The following CADM2 variants were observed in gnomAD, a reference collection of about 807,000 sequenced individuals.
The protein encoded by CADM2 is immunoglobulin superfamily member 4D.
A neutral mutation model predicts 49.8 loss-of-function variants in CADM2; 12 were observed. That is an observed-to-expected ratio of 0.24 (90% CI 0.15 to 0.39). The LOEUF (loss-of-function observed/expected upper bound fraction) is 0.39, where lower values mean the gene tolerates loss of function less well. Ranked by LOEUF, CADM2 falls within the 10% of genes least tolerant of loss-of-function variation. The pLI, the probability that CADM2 is intolerant of heterozygous loss-of-function variation, is 1.00. For missense variants in CADM2, 378 were observed against 492.3 expected (o/e 0.77, Z 2.20); for synonymous variants, 214 against 175.4 (o/e 1.22, Z -1.74).
At chr3:85,257,046 G>A (rs2042902135) in intron 1 of CADM2, among the ~76,000 whole-genome samples, 1 of 152,090 alleles carries the variant, frequency 6.6e-6, no homozygotes, top group African/African-American at 2.4e-5. Flanking sequence ...GGTGACAGCT[G>A]TAATTACTTA....
At chr3:85,440,544 G>C (rs965371182) in intron 1 of CADM2, among the ~76,000 whole-genome samples, 1 of 152,064 alleles carries the variant, frequency 6.6e-6, no homozygotes, top group Non-Finnish European at 1.5e-5. Flanking sequence ...GAAACATTGC[G>C]ACCTTAGGTC....
intron 1 of CADM2, among the ~76,000 whole-genome samples, chr3:85,625,815 T>TAATTAAA (rs2064111874): frequency 6.6e-6 from 1 of 151,968 alleles, no homozygotes; most frequent in South Asian, 2.1e-4. Flanking sequence ...TGCTTTTCTC[T>TAATTAAA]AATTAAAAAT....
At chr3:85,572,220 C>G (rs1224360497) in intron 1 of CADM2, among the ~76,000 whole-genome samples, 1 of 152,064 alleles carries the variant, frequency 6.6e-6, no homozygotes, top group African/African-American at 2.4e-5. Context: ...CCACTTGAAC[C>G]CAGGAGGCGG....
At chr3:85,114,220 G>T (rs2038561739) in intron 1 of CADM2, among the ~76,000 whole-genome samples, 1 of 151,994 alleles carries the variant, frequency 6.6e-6, no homozygotes, top group Non-Finnish European at 1.5e-5. Context: ...GGGGACTGGG[G>T]AGAGGGGAAG....
intron 1 of CADM2, among the ~76,000 whole-genome samples, chr3:85,193,950 A>C (rs112643818): frequency 2.0e-5 from 3 of 152,066 alleles, no homozygotes; most frequent in Non-Finnish European, 4.4e-5. Flanking sequence ...ATTTGTGGGG[A>C]GACTGATGAT....
At chr3:85,818,441 C>T (rs1252176503) in intron 3 of CADM2, among the ~76,000 whole-genome samples, 1 of 152,192 alleles carries the variant, frequency 6.6e-6, no homozygotes, top group Non-Finnish European at 1.5e-5. Context: ...GCTACTTATA[C>T]TGGCAGCTAC....
intron 8 of CADM2, among the ~76,000 whole-genome samples, chr3:86,046,208 T>C (rs1427731265): frequency 6.6e-6 from 1 of 152,178 alleles, no homozygotes; most frequent in Non-Finnish European, 1.5e-5. Context: ...TATTTTTTCA[T>C]TTAGCTTCTT....
intron 1 of CADM2, among the ~76,000 whole-genome samples, chr3:85,032,060 CTCTT>C (rs1234791608): frequency 1.3e-5 from 2 of 151,904 alleles, no homozygotes; most frequent in Non-Finnish European, 2.9e-5. Context: ...CAGGATGTTT[CTCTT>C]TCTATCAGTA....
chr3:85,019,692 A>G (rs1328884813), intron 1 of CADM2, among the ~76,000 whole-genome samples: 3 of 152,226 alleles, frequency 2.0e-5, no homozygotes, highest in African/African-American at 2.4e-5. Flanking sequence ...TACAATTTCA[A>G]CCTGAAAGGA....
intron 1 of CADM2, among the ~76,000 whole-genome samples, chr3:85,654,899 TA>T (rs1039552648): frequency 6.6e-6 from 1 of 152,182 alleles, no homozygotes; most frequent in African/African-American, 2.4e-5. Context: ...GCTTTAGTGA[TA>T]AATGAAAGAT....
intron 1 of CADM2, 95 bp from the exon 2 acceptor site, chr3:85,726,427 T>C: frequency 7.5e-7 from 1 of 1,338,550 alleles, no homozygotes; most frequent in Non-Finnish European, 1.1e-6. Flanking sequence ...CTCTTTAGAC[T>C]TTAATAGCAA....
chr3:85,978,866 A>C (rs1399689530), intron 8 of CADM2, among the ~76,000 whole-genome samples: 1 of 151,582 alleles, frequency 6.6e-6, no homozygotes, highest in Non-Finnish European at 1.5e-5. Flanking sequence ...CTGCATGTCA[A>C]ACTTTTTAAA....
chr3:84,976,866 G>C (rs73843248), intron 1 of CADM2, among the ~76,000 whole-genome samples: 7,168 of 151,880 alleles, frequency 0.047, 560 homozygotes, highest in African/African-American at 0.16. Flanking sequence ...GGAAACTTCT[G>C]TAGAAGACTT....
intron 1 of CADM2, among the ~76,000 whole-genome samples, chr3:85,517,243 G>T (rs1214788812): frequency 6.6e-6 from 1 of 151,688 alleles, no homozygotes; most frequent in Non-Finnish European, 1.5e-5. Context: ...AATACTTCAA[G>T]AAAAGCTTAC....
intron 3 of CADM2, among the ~76,000 whole-genome samples, chr3:85,848,840 C>G (rs56244272): frequency 0.052 from 7,881 of 152,168 alleles, 573 homozygotes; most frequent in African/African-American, 0.16. Context: ...AGGCACTGGT[C>G]TACTTCATTT....
intron 1 of CADM2, among the ~76,000 whole-genome samples, chr3:85,170,586 A>G (rs577349343): frequency 6.6e-6 from 1 of 152,202 alleles, no homozygotes; most frequent in South Asian, 2.1e-4. Context: ...TTCCGTCTCC[A>G]TCTCCCATAG....
intron 1 of CADM2, among the ~76,000 whole-genome samples, chr3:85,362,971 T>C (rs1213906319): frequency 6.6e-6 from 1 of 152,184 alleles, no homozygotes; most frequent in African/African-American, 2.4e-5. Flanking sequence ...TTGCATACTT[T>C]CTGCAAATCA....
At chr3:85,158,621 C>T (rs921115910) in intron 1 of CADM2, among the ~76,000 whole-genome samples, 1 of 152,028 alleles carries the variant, frequency 6.6e-6, no homozygotes, top group African/African-American at 2.4e-5. Context: ...TATTCTGACT[C>T]ATAGGTGGGA....
intron 1 of CADM2, among the ~76,000 whole-genome samples, chr3:85,297,268 C>A (rs781419365): frequency 1.3e-5 from 2 of 151,976 alleles, no homozygotes; most frequent in Non-Finnish European, 2.9e-5. Context: ...CAAGAAACTT[C>A]TATTTCTCTG....
Sources: allele counts gnomAD v4.1 joint callset (sites outside exome capture counted in the v4.1 genomes callset), GRCh38; gene constraint gnomAD v4.1.1; transcripts MANE v1.5; gene names NCBI Gene and HGNC (gene_info 2026-07-23, HGNC 2026-07-21).